The following DLGAP2 variants were observed in gnomAD, a reference collection of about 807,000 sequenced individuals.
DLGAP2 encodes DLG associated protein 2.
DLGAP2 carries 26 observed loss-of-function variants against 100.3 expected under a neutral mutation model. That is an observed-to-expected ratio of 0.26 (90% CI 0.19 to 0.36). The LOEUF (loss-of-function observed/expected upper bound fraction) is 0.36. Among genes scored for constraint, DLGAP2 ranks in the 10% least tolerant of loss-of-function variants. The pLI, the probability that DLGAP2 is intolerant of heterozygous loss-of-function variation, is 1.00. For synonymous variants in DLGAP2, 886 were observed against 630.1 expected, an observed-to-expected ratio of 1.41 and a Z score of -6.08; for missense variants, 1,858 against 1,453.2, an observed-to-expected ratio of 1.28 and a Z score of -4.53.
intron 7 of DLGAP2, among the ~76,000 whole-genome samples, chr8:1,628,676 C>T (rs57102673): frequency 7.4e-6 from 1 of 135,230 alleles, no homozygotes; most frequent in Non-Finnish European, 1.5e-5. Context: ...AATTAAGAGC[C>T]TGAGCTGACC....
intron 1 of DLGAP2, among the ~76,000 whole-genome samples, chr8:897,756 C>G (rs1257110141): frequency 1.3e-5 from 2 of 152,172 alleles, no homozygotes. Flanking sequence ...GCGAGCACCG[C>G]AGATGCTCTT....
At chr8:1,255,932 T>A (rs1340095682) in intron 2 of DLGAP2, among the ~76,000 whole-genome samples, 1 of 126,242 alleles carries the variant, frequency 7.9e-6, no homozygotes. Flanking sequence ...TGTGTGTGTG[T>A]CCTCTCCTGC....
chr8:820,957 A>G (rs1012843879), intron 1 of DLGAP2, among the ~76,000 whole-genome samples: 6 of 152,214 alleles, frequency 3.9e-5, no homozygotes, highest in African/African-American at 1.4e-4. Flanking sequence ...TGAATTCTAG[A>G]ACGGTGGAGA....
At chr8:1,351,737 A>C (rs1481198867) in intron 3 of DLGAP2, among the ~76,000 whole-genome samples, 7 of 62,324 alleles carry the variant, frequency 1.1e-4, no homozygotes, top group Non-Finnish European at 1.3e-4. Context: ...GTGTGTGGAA[A>C]GGCCGTGCGG....
intron 1 of DLGAP2, among the ~76,000 whole-genome samples, chr8:904,059 G>A (rs969537097): frequency 1.3e-5 from 2 of 152,194 alleles, no homozygotes; most frequent in African/African-American, 4.8e-5. Flanking sequence ...GTGGGGTGTC[G>A]GGAACCCTAG....
chr8:874,579 T>A (rs1020598636), intron 1 of DLGAP2, among the ~76,000 whole-genome samples: 12 of 152,216 alleles, frequency 7.9e-5, no homozygotes, highest in African/African-American at 2.9e-4. Flanking sequence ...TTTGTGTTAT[T>A]TGTATCATTT....
At chr8:1,308,706 A>C (rs1800547146) in intron 3 of DLGAP2, among the ~76,000 whole-genome samples, 1 of 152,098 alleles carries the variant, frequency 6.6e-6, no homozygotes, top group Non-Finnish European at 1.5e-5. Flanking sequence ...TGCATTTTTA[A>C]TAGAAATTAG....
At chr8:760,447 A>G (rs145270698) in intron 1 of DLGAP2, among the ~76,000 whole-genome samples, 1 of 152,188 alleles carries the variant, frequency 6.6e-6, no homozygotes, top group African/African-American at 2.4e-5. Flanking sequence ...CCGTCTTCAA[A>G]TAATTTCCTA....
At chr8:1,506,488 T>C (rs1012410429) in intron 4 of DLGAP2, among the ~76,000 whole-genome samples, 1 of 152,154 alleles carries the variant, frequency 6.6e-6, no homozygotes, top group African/African-American at 2.4e-5. Context: ...AAGCTGCAGA[T>C]CTTCGCGGTG....
At chr8:947,643 G>C (rs905123314) in intron 2 of DLGAP2, among the ~76,000 whole-genome samples, 2 of 152,136 alleles carry the variant, frequency 1.3e-5, no homozygotes, top group Non-Finnish European at 2.9e-5. Flanking sequence ...CTCCACGCGC[G>C]GCGCTGTCTG....
chr8:1,341,741 C>T (rs1042811401), intron 3 of DLGAP2, among the ~76,000 whole-genome samples: 13 of 152,154 alleles, frequency 8.5e-5, no homozygotes, highest in African/African-American at 2.9e-4. Flanking sequence ...GGCACGTTAG[C>T]AGGGTGTGCT....
At chr8:1,481,465 C>CT (rs1351049909) in intron 3 of DLGAP2, among the ~76,000 whole-genome samples, 8 of 81,722 alleles carry the variant, frequency 9.8e-5, no homozygotes, top group Admixed American at 1.5e-4. Flanking sequence ...TTTTCTTTTT[C>CT]TTTTTCTTTT....
At chr8:836,070 C>A (rs62486365) in intron 1 of DLGAP2, among the ~76,000 whole-genome samples, 36,099 of 152,168 alleles carry the variant, frequency 0.24, 4,680 homozygotes, top group Non-Finnish European at 0.3. Context: ...GTAAAGGACA[C>A]CCGCAGCCAT....
chr8:1,323,975 G>C (rs1352166213), intron 3 of DLGAP2, among the ~76,000 whole-genome samples: 2 of 152,122 alleles, frequency 1.3e-5, no homozygotes, highest in Non-Finnish European at 2.9e-5. Context: ...GGCGCGTTTC[G>C]ACACAGTAAA....
chr8:1,616,586 A>G (rs1184143586), intron 6 of DLGAP2, among the ~76,000 whole-genome samples: 1 of 152,232 alleles, frequency 6.6e-6, no homozygotes, highest in Admixed American at 6.5e-5. Context: ...CAATGGAATC[A>G]TACCTTTAAA....
intron 3 of DLGAP2, among the ~76,000 whole-genome samples, chr8:1,497,152 T>G (rs1799573324): frequency 6.6e-6 from 1 of 152,140 alleles, no homozygotes; most frequent in African/African-American, 2.4e-5. Flanking sequence ...GAAAGACTGT[T>G]TCTCCAGTGA....
intron 2 of DLGAP2, among the ~76,000 whole-genome samples, chr8:1,128,694 A>G (rs879830446): frequency 2.0e-5 from 3 of 152,188 alleles, no homozygotes; most frequent in Admixed American, 6.5e-5. Context: ...TGATTTAGCT[A>G]CTTGGTATTT....
chr8:1,496,041 C>G (rs1799536617), intron 3 of DLGAP2, among the ~76,000 whole-genome samples: 1 of 152,188 alleles, frequency 6.6e-6, no homozygotes, highest in African/African-American at 2.4e-5. Context: ...CCCAGAAACA[C>G]AAGCCTGCCT....
At chr8:933,549 G>A (rs868787898) in intron 2 of DLGAP2, among the ~76,000 whole-genome samples, 1 of 129,876 alleles carries the variant, frequency 7.7e-6, no homozygotes, top group African/African-American at 3.1e-5. Flanking sequence ...CATGAGGGGA[G>A]GGTGAGGGCA....
Sources: gnomAD v4.1 joint callset for allele counts (sites outside exome capture counted in the v4.1 genomes callset) on GRCh38, gnomAD v4.1.1 for gene constraint, MANE v1.5 for transcripts, NCBI Gene and HGNC (gene_info 2026-07-23, HGNC 2026-07-21) for gene names.